SYNE1: variants seen among roughly 807,000 people sequenced by gnomAD.
SYNE1 encodes the protein spectrin repeat containing nuclear envelope protein 1.
A neutral mutation model predicts 1,111.0 loss-of-function variants in SYNE1; 616 were observed. The ratio of observed to expected loss-of-function variants is 0.55; its 90% CI spans 0.52 to 0.59. The LOEUF (loss-of-function observed/expected upper bound fraction) is 0.59. Among genes scored for constraint, SYNE1 ranks in the 20% least tolerant of loss-of-function variants. The pLI is 0.00. For missense variants in SYNE1, 10,006 were observed against 10,417.0 expected (o/e 0.96, Z 1.72); for synonymous variants, 3,855 against 3,825.8 (o/e 1.01, Z -0.28).
In SYNE1 at chr6:152,441,068, A is replaced by G. The variant is rs2098525420; in HGVS notation, c.4149+62T>C. 3 of 1,588,554 alleles carry G rather than the reference A, an allele frequency of 1.9e-6. No homozygotes were observed. The South Asian group carries it at 3.3e-5, about 18-fold the overall frequency. On this transcript the variant is annotated intron_variant, in intron 32 of 145. Coordinates refer to ENST00000367255, the MANE Select transcript of SYNE1 (RefSeq NM_182961.4). ...AATTAATAGTAATAATGGAGGAGAA[A>G]TCATTTTGTTTGTTTTGCTTTGTTT... is the stretch of plus-strand genomic sequence containing the variant.
chr6:152,156,188 A>G, intron 131 of SYNE1, 91 bp from the exon 132 acceptor site: 4 of 1,291,926 alleles, frequency 3.1e-6, no homozygotes, highest in Non-Finnish European at 4.5e-6. Context: ...TGGCTAGGCT[A>G]CACCTTGACA....
rs754379749 is a variant in SYNE1 at position 152,463,335 on chromosome 6, T to A, written c.2097+18A>T. ...TAACACATACACGTTGAGGTGTATA[T>A]AGACTTGAAAGACATACTTGCTTGA... On this transcript the variant is annotated intron_variant, in intron 19 of 145. Transcript: ENST00000367255. The A allele has an allele frequency of 6.2e-7, 1 of 1,613,480 alleles. No individual in the cohort carries two copies. Among genetic ancestry groups the A allele is most frequent in the Non-Finnish European group, 8.5e-7 (1 of 1,179,616 alleles).
In SYNE1 at chr6:152,318,120, G is replaced by A. The variant is rs2095781817; in HGVS notation, c.16533C>T (p.Thr5511=). 1 of 1,614,080 alleles carries A rather than the reference G, an allele frequency of 6.2e-7. No homozygotes were observed. Among genetic ancestry groups the A allele is most frequent in the African/African-American group, 1.3e-5 (1 of 74,920 alleles). Residue 5511 remains threonine (T), a synonymous_variant, in exon 86 of 146, where the codon ACC becomes ACT. Transcript: ENST00000367255. ...AGAGCCGATTCTCAGCTTGTCTAATGGTCTGCTGGTGAAGTTCAGTCAGTT... is the reference window on the plus strand; with the variant it reads ...AGAGCCGATTCTCAGCTTGTCTAATAGTCTGCTGGTGAAGTTCAGTCAGTT... ...IGKLTELHQQ[T]IRQAENRLSK...
intron 33 of SYNE1, chr6:152,434,859 AT>A (rs2098459098): frequency 1.3e-5 from 2 of 152,174 alleles, no homozygotes; most frequent in Non-Finnish European, 2.9e-5. Flanking sequence ...AAATTAAATA[AT>A]ATTGCAGTCT....
chr6:152,422,185 T>G (rs1215589624), intron 39 of SYNE1, among the ~76,000 whole-genome samples: 3 of 152,254 alleles, frequency 2.0e-5, no homozygotes, highest in African/African-American at 7.2e-5. Context: ...AGATTGCTAC[T>G]GCAATCTGAA....
At chr6:152,221,679 G>T in intron 117 of SYNE1, 120 bp from the exon 118 acceptor site, 2 of 1,263,660 alleles carry the variant, frequency 1.6e-6, no homozygotes, top group Non-Finnish European at 2.3e-6. Flanking sequence ...AACCAGGCAT[G>T]ACTTAGCACC....
At position 152,391,320 on chromosome 6, in the gene SYNE1, A is replaced by G. The variant is rs1199450881; in HGVS notation, c.7961T>C (p.Leu2654Pro). 6.2e-7 allele frequency: 1 copy of G among 1,614,018 alleles called. No individual in the cohort carries two copies. Among genetic ancestry groups the G allele is most frequent in the Non-Finnish European group, 8.5e-7 (1 of 1,180,022 alleles). The change falls in exon 52 of 146, where the codon CTT becomes CCT. Residue 2654 changes from leucine to proline, a missense_variant. Leu to Pro is a moderately conservative substitution (Grantham distance 98). This residue lies in a region of SYNE1 where 4,955 missense variants were observed against 5,017.2 expected (regional missense o/e 0.99). Transcript: ENST00000367255. ...TTTCTCCAGGGTGTCTTTGCTCCCA[A>G]GAGTGCTCTCTGCACAGGCCAGTCT... is the stretch of plus-strand genomic sequence containing the variant. ...QDRLACAEST[L>P]GSKDTLEKRL...
intron 47 of SYNE1, 49 bp from the exon 48 acceptor site, chr6:152,399,872 T>C (rs2097786160): frequency 1.3e-6 from 2 of 1,562,508 alleles, no homozygotes; most frequent in Non-Finnish European, 8.8e-7. Flanking sequence ...TTGAGAGAAA[T>C]ACTCCATTTA....
intron 105 of SYNE1, among the ~76,000 whole-genome samples, chr6:152,246,015 G>A (rs1588632125): frequency 6.6e-6 from 1 of 152,152 alleles, no homozygotes; most frequent in Non-Finnish European, 1.5e-5. Flanking sequence ...GGCAAGAAGT[G>A]CTGCAGTCAG....
intron 137 of SYNE1, 174 bp from the exon 138 acceptor site, chr6:152,143,939 T>C: frequency 1.1e-6 from 1 of 894,872 alleles, no homozygotes; most frequent in Non-Finnish European, 1.7e-6. Context: ...GACATTAAAA[T>C]GGCCAAACCA....
At chr6:152,224,957 G>GTATATATATATATACATATATACATA (rs1220700858) in intron 116 of SYNE1, among the ~76,000 whole-genome samples, 1 of 143,090 alleles carries the variant, frequency 7.0e-6, no homozygotes, top group Non-Finnish European at 1.5e-5. Context: ...ACATATATAT[G>GTATATATATATATACATATATACATA]TGTATATATA....
chr6:152,155,657 A>C (rs2061254276), intron 132 of SYNE1, among the ~76,000 whole-genome samples: 1 of 152,192 alleles, frequency 6.6e-6, no homozygotes, highest in African/African-American at 2.4e-5. Context: ...CTTGTTTGAC[A>C]AGGGTGTATT....
chr6:152,310,437 C>G lies in SYNE1; in HGVS notation c.16978G>C (p.Val5660Leu), dbSNP rs1055375511. 1 of 1,614,182 alleles carries G rather than the reference C, an allele frequency of 6.2e-7. No homozygotes were observed. The highest frequency in any genetic ancestry group is 1.6e-4 in the Middle Eastern group (1 of 6,062). Residue 5660 changes from valine (V) to leucine (L), a missense_variant, in exon 89 of 146, where the codon GTT becomes CTT. Around this residue, in one of 7 missense-constraint regions of SYNE1, gnomAD observed 4,955 missense variants for 5,017.2 expected, o/e 0.99. Coordinates refer to ENST00000367255, the MANE Select transcript of SYNE1 (RefSeq NM_182961.4). The stretch of plus-strand genomic sequence containing the variant: ...TGCTCCTTGAGACTGAGACGTCCAA[C>G]TTCTGGAGAAGTCAGTGTTGCCTGG... ...QAQATLTSPE[V>L]GRLSLKEQLS... is the part of the protein sequence containing the mutation.
At chr6:152,470,800 C>G (rs892065785) in intron 16 of SYNE1, among the ~76,000 whole-genome samples, 23 of 152,044 alleles carry the variant, frequency 1.5e-4, no homozygotes, top group African/African-American at 5.6e-4. Context: ...ATAAATGAAA[C>G]AGTACAAGAC....
intron 106 of SYNE1, among the ~76,000 whole-genome samples, chr6:152,243,562 T>G (rs1373875278): frequency 6.6e-6 from 1 of 152,204 alleles, no homozygotes; most frequent in Non-Finnish European, 1.5e-5. Flanking sequence ...ATTTGACTCT[T>G]ACACCTGATG....
Position 152,256,747 on chromosome 6 carries a change from G to A in SYNE1, c.18991C>T (p.Arg6331Ter), listed in dbSNP as rs2090952761. ...TACAGTGGCACACCAGACAAGAGTC[G>A]ATTTGGCCTGCTATAAAGCTGTAGG... The part of the protein sequence containing the change: ...QEQVLYSRPN[R>*]LLSGVPLYKG... Residue 6331 changes from arginine (R) to a stop codon, truncating the protein, a stop_gained, in exon 102 of 146, where the codon CGA becomes TGA. Coordinates refer to ENST00000367255, the MANE Select transcript of SYNE1 (RefSeq NM_182961.4). LOFTEE classifies it high-confidence loss of function. The A allele has an allele frequency of 2.5e-6, 4 of 1,613,802 alleles. No individual in the cohort carries two copies. The highest frequency in any genetic ancestry group is 3.4e-6 in the Non-Finnish European group (4 of 1,179,814).
chr6:152,377,189 C>T (rs1379594652), intron 56 of SYNE1, among the ~76,000 whole-genome samples: 1 of 151,280 alleles, frequency 6.6e-6, no homozygotes, highest in African/African-American at 2.4e-5. Flanking sequence ...AAAAATAAGA[C>T]AAGAAAAAGA....
intron 3 of SYNE1, among the ~76,000 whole-genome samples, chr6:152,604,448 T>C (rs1038846556): frequency 6.6e-6 from 1 of 151,732 alleles, no homozygotes; most frequent in Non-Finnish European, 1.5e-5. Context: ...GATTACAGGG[T>C]GTGCACCACC....
chr6:152,577,931 A>C (rs77593159), intron 3 of SYNE1, among the ~76,000 whole-genome samples: 2,918 of 152,268 alleles, frequency 0.019, 94 homozygotes, highest in African/African-American at 0.066. Flanking sequence ...TTCTTGGAAT[A>C]ACAAACTCCA....
Sources: allele counts gnomAD v4.1 joint callset (sites outside exome capture counted in the v4.1 genomes callset), GRCh38; gene constraint gnomAD v4.1.1; regional missense constraint gnomAD v4.1.1; transcripts MANE v1.5; gene names NCBI Gene and HGNC (gene_info 2026-07-23, HGNC 2026-07-21).